The following HMCN1 variants were observed in gnomAD, a reference collection of about 807,000 sequenced individuals.
HMCN1 encodes the protein hemicentin-1.
HMCN1 carries 321 observed loss-of-function variants against 625.9 expected under a neutral mutation model. That is an observed-to-expected ratio of 0.51 (90% CI 0.47 to 0.56). The LOEUF (loss-of-function observed/expected upper bound fraction) is 0.56, where lower values mean the gene tolerates loss of function less well. Ranked by LOEUF, HMCN1 falls within the 20% of genes least tolerant of loss-of-function variation. HMCN1 has a pLI of 0.00. For synonymous variants in HMCN1, 2,425 were observed against 2,417.6 expected (o/e 1.00, Z -0.09); for missense variants, 6,588 against 6,887.3 (o/e 0.96, Z 1.54).
chr1:185,832,467 A>T (rs1342484112), intron 1 of HMCN1, among the ~76,000 whole-genome samples: 1 of 152,176 alleles, frequency 6.6e-6, no homozygotes, highest in Non-Finnish European at 1.5e-5. Context: ...GGTAAAGATT[A>T]GTGGATTAGT....
At chr1:185,774,802 C>T (rs1478747343) in intron 1 of HMCN1, among the ~76,000 whole-genome samples, 1 of 152,090 alleles carries the variant, frequency 6.6e-6, no homozygotes, top group East Asian at 1.9e-4. Flanking sequence ...AGTAGAAATA[C>T]ATTCATATGA....
chr1:186,055,536 G>A lies in HMCN1; in HGVS notation c.7006G>A (p.Ala2336Thr), dbSNP rs1657257029. The A allele has an allele frequency of 6.2e-7, 1 of 1,612,854 alleles. No individual in the cohort carries two copies. The highest frequency in any genetic ancestry group is 1.7e-5 in the Admixed American group (1 of 59,820). The change falls in exon 45 of 107, where the codon GCA (alanine) becomes ACA (threonine). Residue 2336 changes from alanine (A) to threonine (T), a missense_variant. Around this residue, in one of 3 missense-constraint regions of HMCN1, gnomAD observed 4,628 missense variants for 4,853.1 expected, o/e 0.95. Coordinates refer to ENST00000271588, the MANE Select transcript of HMCN1 (RefSeq NM_031935.3). ...WMKDGHPLIKAKGVEILDEGH... is the reference protein window; with the variant it reads ...WMKDGHPLIKTKGVEILDEGH... ...GAAAGATGGCCACCCCTTGATCAAG[G>A]CAAAGGGAGTAGAAATACTGGATGA... is the stretch of plus-strand genomic sequence containing the variant.
intron 60 of HMCN1, 108 bp downstream of exon 60, chr1:186,087,753 TA>T (rs1237559114): frequency 2.3e-6 from 3 of 1,277,636 alleles, no homozygotes; most frequent in Non-Finnish European, 3.4e-6. Context: ...TGATTTTCAT[TA>T]AAAAAATACA....
At chr1:185,825,050 A>G (rs73072063) in intron 1 of HMCN1, among the ~76,000 whole-genome samples, 6,308 of 152,210 alleles carry the variant, frequency 0.041, 434 homozygotes, top group African/African-American at 0.14. Context: ...AGATTTTAAT[A>G]TAATAGAAAG....
rs905378525 is a variant in HMCN1 at position 185,891,772 on chromosome 1, T to C, written c.622-17565T>C. 8.1e-5 allele frequency among the ~76,000 whole-genome samples: 12 copies of C among 148,180 alleles called. 1 individual carries two copies. Among genetic ancestry groups the C allele is most frequent in the Non-Finnish European group, 1.8e-4 (12 of 68,028 alleles). The stretch of plus-strand genomic sequence containing the variant: ...TTTCCTTCATTTCAACTTTGGTGAA[T>C]CTGACAATTATGTGTCTTGGAGTTG... On this transcript the variant is annotated intron_variant, in intron 4 of 106. Transcript: ENST00000271588.
chr1:185,949,852 A>G (rs2102528882), intron 11 of HMCN1, among the ~76,000 whole-genome samples: 1 of 151,948 alleles, frequency 6.6e-6, no homozygotes, highest in Admixed American at 6.6e-5. Flanking sequence ...TGTGTAGGGA[A>G]GGGAGGGGGC....
intron 1 of HMCN1, among the ~76,000 whole-genome samples, chr1:185,796,344 G>T (rs1359096419): frequency 2.6e-5 from 4 of 152,142 alleles, no homozygotes; most frequent in Admixed American, 6.5e-5. Flanking sequence ...CCACGGACTG[G>T]TATGGGTCCA....
intron 97 of HMCN1, among the ~76,000 whole-genome samples, chr1:186,159,255 T>C (rs953225082): frequency 1.3e-5 from 2 of 152,220 alleles, no homozygotes; most frequent in African/African-American, 4.8e-5. Context: ...CTTGTGATTT[T>C]TGTACATTGA....
intron 53 of HMCN1, among the ~76,000 whole-genome samples, chr1:186,075,379 G>GAATA (rs547780873): frequency 2.0e-5 from 3 of 151,714 alleles, no homozygotes; most frequent in Non-Finnish European, 4.4e-5. Flanking sequence ...ATGAAAGTTG[G>GAATA]AATAAATAAA....
chr1:186,101,210 G>A (rs1660370033), intron 68 of HMCN1, among the ~76,000 whole-genome samples: 1 of 152,066 alleles, frequency 6.6e-6, no homozygotes, highest in South Asian at 2.1e-4. Context: ...AAATTAGAGT[G>A]AGGGAGATGA....
At chr1:185,999,894 C>A in intron 25 of HMCN1, 151 bp from the exon 26 acceptor site, 1 of 607,930 alleles carries the variant, frequency 1.6e-6, no homozygotes, top group Non-Finnish European at 2.8e-6. Flanking sequence ...CTTCATATTT[C>A]CATGCCAGGA....
intron 70 of HMCN1, 127 bp downstream of exon 70, chr1:186,107,092 CTTT>C: frequency 1.8e-6 from 1 of 567,516 alleles, no homozygotes. Flanking sequence ...AAATCTGAAT[CTTT>C]TTTTTTTTGA....
At position 186,076,460 on chromosome 1, in the gene HMCN1, G is replaced by A. The variant is rs758572533; in HGVS notation, c.8323G>A (p.Gly2775Arg). Residue 2775 changes from glycine (G) to arginine (R), a missense_variant, in exon 54 of 107, where the codon GGA (glycine) becomes AGA (arginine). By Grantham distance (125) the Gly-to-Arg change is moderately radical (BLOSUM62 -2). Transcript: ENST00000271588. ...AAGTTTTCAGAAACTCTGGGAAATA[G>A]GAAACATGCTAGATACTGGCAGGAA... ...PPSFQKLWEI[G>R]NMLDTGRNGE... 1.2e-5 allele frequency: 19 copies of A among 1,613,492 alleles called. No individual in the cohort carries two copies. Among genetic ancestry groups the A allele is most frequent in the Admixed American group, 1.7e-5 (1 of 59,914 alleles).
intron 11 of HMCN1, among the ~76,000 whole-genome samples, chr1:185,949,790 G>GT (rs1297824277): frequency 6.6e-6 from 1 of 151,878 alleles, no homozygotes; most frequent in Non-Finnish European, 1.5e-5. Context: ...GACTCGGCAT[G>GT]TTGAGTAAAG....
In HMCN1 at chr1:185,954,169, C is replaced by T. The variant is rs143910494; in HGVS notation, c.1829-8349C>T. Reference sequence around the variant, plus strand: ...CAGGCCATCTGGGAGTATATAAGTGCAAGTCACAGGGGATGCGATGGCTTG... The same window carrying T: ...CAGGCCATCTGGGAGTATATAAGTGTAAGTCACAGGGGATGCGATGGCTTG... On this transcript the variant is annotated intron_variant, in intron 11 of 106. Coordinates refer to ENST00000271588, the MANE Select transcript of HMCN1 (RefSeq NM_031935.3). 3.2e-3 allele frequency among the ~76,000 whole-genome samples: 483 copies of T among 152,222 alleles called. 1 individual carries two copies. The highest frequency in any genetic ancestry group is 0.011 in the African/African-American group (445 of 41,530).
chr1:185,854,713 A>T (rs1662358057), intron 2 of HMCN1, among the ~76,000 whole-genome samples: 1 of 152,088 alleles, frequency 6.6e-6, no homozygotes, highest in African/African-American at 2.4e-5. Flanking sequence ...ATCTTATTTC[A>T]TCATTTTTTA....
chr1:186,188,470 C>T (rs1049780696), intron 106 of HMCN1, among the ~76,000 whole-genome samples: 8 of 152,150 alleles, frequency 5.3e-5, no homozygotes, highest in Admixed American at 1.3e-4. Flanking sequence ...GTTGTCTGCC[C>T]GTTCATACAT....
chr1:185,847,514 C>T (rs1292295912), intron 2 of HMCN1, among the ~76,000 whole-genome samples: 1 of 152,210 alleles, frequency 6.6e-6, no homozygotes, highest in East Asian at 1.9e-4. Flanking sequence ...CAGTCACAAA[C>T]AAATGAAGCC....
chr1:185,755,122 A>G (rs1655050854), intron 1 of HMCN1, among the ~76,000 whole-genome samples: 1 of 152,126 alleles, frequency 6.6e-6, no homozygotes. Context: ...ATTTCTAATT[A>G]TTTTTATTTT....
Sources: gnomAD v4.1 joint callset for allele counts (sites outside exome capture counted in the v4.1 genomes callset) on GRCh38, gnomAD v4.1.1 for gene constraint, gnomAD v4.1.1 regional missense constraint, MANE v1.5 for transcripts, NCBI Gene and HGNC (gene_info 2026-07-23, HGNC 2026-07-21) for gene names.